The following TNS1 variants were observed in gnomAD, a reference collection of about 807,000 sequenced individuals.
TNS1 encodes tensin 1, also known as tensin-1.
Under a neutral mutation model 168.6 loss-of-function variants are expected in TNS1, and 62 were observed. The ratio of observed to expected loss-of-function variants is 0.37; its 90% CI spans 0.30 to 0.45. The LOEUF (loss-of-function observed/expected upper bound fraction) is 0.45. Ranked by LOEUF, TNS1 falls within the 20% of genes least tolerant of loss-of-function variation. The pLI, the probability that TNS1 is intolerant of heterozygous loss-of-function variation, is 1.00. For synonymous variants in TNS1, 934 were observed against 933.2 expected (o/e 1.00, Z -0.02); for missense variants, 2,240 against 2,339.4 (o/e 0.96, Z 0.88).
intron 1 of TNS1, among the ~76,000 whole-genome samples, chr2:218,019,027 A>C (rs1468528773): frequency 2.0e-5 from 3 of 151,638 alleles, no homozygotes. Context: ...CAGTGAGCCG[A>C]GATCACACCA....
At chr2:218,017,963 G>A (rs758039093) in intron 1 of TNS1, among the ~76,000 whole-genome samples, 35 of 152,254 alleles carry the variant, frequency 2.3e-4, no homozygotes, top group Non-Finnish European at 4.4e-4. Flanking sequence ...GCCTGAGGGA[G>A]AGGAGCCAGG....
rs143109214 is a variant in TNS1 at position 217,817,786 on chromosome 2, A to T, written c.4546T>A (p.Ser1516Thr). 9 of 1,614,166 alleles carry T rather than the reference A, an allele frequency of 5.6e-6. No homozygotes were observed. In the South Asian group the frequency reaches 8.8e-5, roughly 16 times the overall value. Reference sequence around the variant, plus strand: ...GACATGCCGCTGGCGACAGGCGAAGACACCTTCCCATTGATGGTGGCATAG... The same window carrying T: ...GACATGCCGCTGGCGACAGGCGAAGTCACCTTCCCATTGATGGTGGCATAG... ...PNYATINGKV[S>T]SPVASGMSSP... Residue 1516 changes from serine to threonine, a missense_variant, in exon 24 of 33, where the codon TCT becomes ACT. Physicochemically the swap from Ser to Thr is moderately conservative, Grantham distance 58. Transcript: ENST00000682258.
intron 22 of TNS1, chr2:217,830,405 A>G (rs1461245405): frequency 4.3e-6 from 7 of 1,613,824 alleles, no homozygotes; most frequent in Non-Finnish European, 5.1e-6. Context: ...GGAAAAAAGT[A>G]AAGTTGACCC....
chr2:217,979,549 A>ACACACACACG (rs1476579659), intron 2 of TNS1, among the ~76,000 whole-genome samples: 19 of 151,850 alleles, frequency 1.3e-4, no homozygotes, highest in African/African-American at 4.6e-4. Context: ...ACACACACAC[A>ACACACACACG]CACAGGACTT....
intron 3 of TNS1, among the ~76,000 whole-genome samples, chr2:217,938,411 A>C (rs1956741288): frequency 6.6e-6 from 1 of 152,204 alleles, no homozygotes; most frequent in South Asian, 2.1e-4. Flanking sequence ...CTACCCTTGC[A>C]CGGGTTCAAA....
At chr2:217,807,171 G>A (rs1189082203) in intron 32 of TNS1, among the ~76,000 whole-genome samples, 1 of 152,190 alleles carries the variant, frequency 6.6e-6, no homozygotes, top group Non-Finnish European at 1.5e-5. Context: ...GTATTTTACA[G>A]CTATAAACAG....
chr2:217,874,639 T>A (rs900153273), intron 18 of TNS1, among the ~76,000 whole-genome samples: 4 of 152,190 alleles, frequency 2.6e-5, no homozygotes, highest in African/African-American at 9.7e-5. Flanking sequence ...GGAACGCGGC[T>A]TTTTCTAAAG....
At chr2:217,895,663 C>G (rs891807995) in intron 8 of TNS1, among the ~76,000 whole-genome samples, 5 of 152,182 alleles carry the variant, frequency 3.3e-5, no homozygotes, top group Non-Finnish European at 7.3e-5. Context: ...CAATCAGACC[C>G]TTGACATACC....
intron 3 of TNS1, among the ~76,000 whole-genome samples, chr2:217,942,356 C>T (rs1299732546): frequency 6.6e-6 from 1 of 152,196 alleles, no homozygotes; most frequent in Non-Finnish European, 1.5e-5. Flanking sequence ...GCAGCAGAGT[C>T]CAAGCCAACC....
chr2:217,819,099 A>G (rs1559164509), intron 23 of TNS1, among the ~76,000 whole-genome samples: 1 of 152,294 alleles, frequency 6.6e-6, no homozygotes, highest in East Asian at 1.9e-4. Flanking sequence ...TCGAAACTGG[A>G]GGTGGCTGTC....
At chr2:218,029,235 G>A (rs544195197) in intron 1 of TNS1, among the ~76,000 whole-genome samples, 200 of 152,246 alleles carry the variant, frequency 1.3e-3, no homozygotes, top group Non-Finnish European at 1.9e-3. Flanking sequence ...GGGGGCAAGT[G>A]AATTGAGAAG....
At chr2:218,007,137 T>G (rs762870696), upstream of TNS1, among the ~76,000 whole-genome samples, 21 of 152,022 alleles carry the variant, frequency 1.4e-4, no homozygotes, top group Non-Finnish European at 2.2e-4. Context: ...GGCAATGGGG[T>G]TCTTCACCAG....
At chr2:218,022,845 G>C (rs1958817634) in intron 1 of TNS1, among the ~76,000 whole-genome samples, 1 of 152,120 alleles carries the variant, frequency 6.6e-6, no homozygotes, top group African/African-American at 2.4e-5. Flanking sequence ...TGGGGAGAAA[G>C]CTGGGCCAGA....
At chr2:218,006,457 T>C (rs1958657918), upstream of TNS1, among the ~76,000 whole-genome samples, 1 of 152,230 alleles carries the variant, frequency 6.6e-6, no homozygotes, top group Admixed American at 6.5e-5. Context: ...ATATTCTTAC[T>C]GATGTCCACC....
chr2:217,935,476 G>A (rs972059046), intron 3 of TNS1, among the ~76,000 whole-genome samples: 12 of 152,116 alleles, frequency 7.9e-5, no homozygotes, highest in African/African-American at 2.4e-4. Context: ...GCTCTCCCAG[G>A]GCTCCAGCCT....
At chr2:217,946,546 T>C (rs1161630443) in intron 3 of TNS1, among the ~76,000 whole-genome samples, 1 of 152,232 alleles carries the variant, frequency 6.6e-6, no homozygotes, top group African/African-American at 2.4e-5. Flanking sequence ...GATACTCATA[T>C]GAAGACTTTT....
At chr2:217,913,372 C>T (rs1954647605) in intron 4 of TNS1, among the ~76,000 whole-genome samples, 1 of 152,164 alleles carries the variant, frequency 6.6e-6, no homozygotes, top group Admixed American at 6.5e-5. Context: ...TGAGGCTGTG[C>T]AACTGTGGAC....
chr2:217,810,116 C>T, intron 29 of TNS1, 125 bp from the exon 30 acceptor site: 3 of 1,435,722 alleles, frequency 2.1e-6, no homozygotes, highest in Non-Finnish European at 2.9e-6. Flanking sequence ...AAGGCATCTG[C>T]ACATAGAAAT....
At chr2:217,876,727 G>A (rs142880201) in intron 18 of TNS1, among the ~76,000 whole-genome samples, 130 of 152,182 alleles carry the variant, frequency 8.5e-4, no homozygotes, top group African/African-American at 2.8e-3. Context: ...ACTCCAATAC[G>A]TCTGGTGTCT....
Sources: gnomAD v4.1 joint callset for allele counts (sites outside exome capture counted in the v4.1 genomes callset) on GRCh38, gnomAD v4.1.1 for gene constraint, MANE v1.5 for transcripts, NCBI Gene and HGNC (gene_info 2026-07-23, HGNC 2026-07-21) for gene names.